The following SNTG1 variants were observed in gnomAD, a reference collection of about 807,000 sequenced individuals.
SNTG1 encodes gamma-1-syntrophin.
SNTG1 carries 39 observed loss-of-function variants against 74.7 expected under a neutral mutation model. That is an observed-to-expected ratio of 0.52 (90% CI 0.40 to 0.68). SNTG1 has a LOEUF of 0.68. Among genes scored for constraint, SNTG1 ranks in the 30% least tolerant of loss-of-function variants. SNTG1 has a pLI of 0.00. For missense variants in SNTG1, 685 were observed against 609.5 expected, an observed-to-expected ratio of 1.12 and a Z score of -1.30; for synonymous variants, 254 against 217.1, an observed-to-expected ratio of 1.17 and a Z score of -1.49.
intron 1 of SNTG1, among the ~76,000 whole-genome samples, chr8:50,054,583 G>A (rs531228514): frequency 6.6e-6 from 1 of 152,120 alleles, no homozygotes; most frequent in East Asian, 1.9e-4. Context: ...GCATTTCTCA[G>A]TGGCTTCCAT....
chr8:50,205,976 T>A (rs571314728), intron 2 of SNTG1, among the ~76,000 whole-genome samples: 266 of 152,290 alleles, frequency 1.7e-3, no homozygotes, highest in Non-Finnish European at 2.7e-3. Context: ...TGTAGACTTG[T>A]AGTATAGTTT....
Position 49,951,682 on chromosome 8 carries a change from G to A in SNTG1, c.-103+39451G>A, listed in dbSNP as rs925893923. ...TAGATGACGAGTTAGTGGGTGCAGC[G>A]CACCAGCATGGCACATGTATACATA... On this transcript the variant is annotated intron_variant, in intron 1 of 18. Coordinates refer to ENST00000642720, the MANE Select transcript of SNTG1 (RefSeq NM_018967.5). 5.3e-5 allele frequency among the ~76,000 whole-genome samples: 8 copies of A among 150,982 alleles called. No homozygotes were observed. The East Asian group carries it at 7.8e-4, about 15-fold the overall frequency.
rs145483852 is a variant in SNTG1, at chr8:50,538,959, C to T, written c.680+2151C>T. On this transcript the variant is annotated intron_variant, in intron 11 of 18. Transcript: ENST00000642720. ...TTATTTCCTGTCATTTAACTCTGCT[C>T]TTCAGCCAATTCAGCATTTTATTTT... Among the ~76,000 whole-genome samples, 798 of 152,220 alleles carry T rather than the reference C, an allele frequency of 5.2e-3. 19 individuals are homozygous for T. The highest frequency in any genetic ancestry group is 0.047 in the Admixed American group (719 of 15,280).
intron 13 of SNTG1, among the ~76,000 whole-genome samples, chr8:50,620,253 G>C (rs1362866908): frequency 6.6e-6 from 1 of 152,104 alleles, no homozygotes; most frequent in East Asian, 1.9e-4. Context: ...TTTAAAACTA[G>C]TGACGTGGGG....
chr8:49,931,426 G>A (rs1284578185), intron 1 of SNTG1, among the ~76,000 whole-genome samples: 1 of 152,156 alleles, frequency 6.6e-6, no homozygotes, highest in Non-Finnish European at 1.5e-5. Context: ...AGAAGTGGGG[G>A]CACAGGTGGA....
intron 5 of SNTG1, among the ~76,000 whole-genome samples, chr8:50,446,173 C>T (rs2093405201): frequency 6.6e-6 from 1 of 152,100 alleles, no homozygotes; most frequent in South Asian, 2.1e-4. Flanking sequence ...ACTGGAAAAC[C>T]TTACATTTCC....
intron 1 of SNTG1, among the ~76,000 whole-genome samples, chr8:49,928,318 C>T (rs1174231671): frequency 6.6e-6 from 1 of 151,628 alleles, no homozygotes; most frequent in Non-Finnish European, 1.5e-5. Context: ...GCAACCTCTG[C>T]CTCCTGGGTT....
intron 4 of SNTG1, among the ~76,000 whole-genome samples, chr8:50,403,176 A>G (rs1334487408): frequency 1.3e-5 from 2 of 152,190 alleles, no homozygotes; most frequent in Non-Finnish European, 2.9e-5. Context: ...TTCCCCAAAC[A>G]TCTGCAACTA....
At chr8:50,145,133 A>G (rs912563472) in intron 1 of SNTG1, among the ~76,000 whole-genome samples, 1 of 152,144 alleles carries the variant, frequency 6.6e-6, no homozygotes, top group African/African-American at 2.4e-5. Context: ...GCCAGGAGTG[A>G]CAGTGGCAGA....
At chr8:50,385,880 T>C (rs2092566872) in intron 2 of SNTG1, among the ~76,000 whole-genome samples, 1 of 152,196 alleles carries the variant, frequency 6.6e-6, no homozygotes, top group Non-Finnish European at 1.5e-5. Context: ...ATTGTCAGTC[T>C]CCAAAATCCA....
chr8:50,582,624 A>G (rs1190527378), intron 12 of SNTG1, among the ~76,000 whole-genome samples: 1 of 152,124 alleles, frequency 6.6e-6, no homozygotes, highest in Non-Finnish European at 1.5e-5. Context: ...TTTTTCTTTT[A>G]GCAGAAAATA....
At chr8:50,039,305 A>C (rs1348379498) in intron 1 of SNTG1, among the ~76,000 whole-genome samples, 23 of 152,002 alleles carry the variant, frequency 1.5e-4, no homozygotes, top group Admixed American at 1.5e-3. Context: ...AATGCAAAAA[A>C]GTAGCGGGGC....
chr8:50,151,615 G>T (rs1014757451), intron 1 of SNTG1, among the ~76,000 whole-genome samples: 11 of 152,098 alleles, frequency 7.2e-5, no homozygotes, highest in Admixed American at 6.5e-5. Context: ...TTTTGTCTTT[G>T]TTCTCATTGG....
chr8:50,570,667 T>A (rs1235428991), intron 12 of SNTG1, among the ~76,000 whole-genome samples: 1 of 151,208 alleles, frequency 6.6e-6, no homozygotes, highest in Non-Finnish European at 1.5e-5. Context: ...TGCTGTGGCA[T>A]GATCTCGGAT....
intron 2 of SNTG1, among the ~76,000 whole-genome samples, chr8:50,365,058 T>G (rs1311746482): frequency 6.6e-6 from 1 of 152,158 alleles, no homozygotes; most frequent in Non-Finnish European, 1.5e-5. Context: ...GCTGAGTACC[T>G]TACATATACT....
intron 1 of SNTG1, among the ~76,000 whole-genome samples, chr8:50,159,990 G>T: frequency 6.6e-6 from 1 of 152,152 alleles, no homozygotes; most frequent in South Asian, 2.1e-4. Context: ...TTACCTGGTA[G>T]ACTTAAACTG....
rs765804007 is a variant in SNTG1, at chr8:50,553,057, G to A, written c.688G>A (p.Ala230Thr). The change falls in exon 12 of 19, where the codon GCC becomes ACC. Residue 230 changes from alanine (A) to threonine (T), a missense_variant. Ala to Thr is a moderately conservative substitution (Grantham distance 58). Transcript: ENST00000642720. Reference protein sequence around the residue: ...VPGTDLSRQNAFQVIAVDGVC... With the variant: ...VPGTDLSRQNTFQVIAVDGVC... ...TGTTCTGAACATCTGCAGGCAGAAT[G>A]CCTTTCAAGTCATTGCTGTGGATGG... 5.6e-6 allele frequency: 9 copies of A among 1,613,850 alleles called. No homozygotes were observed. The African/African-American group carries it at 6.7e-5, about 12-fold the overall frequency.
At chr8:50,318,429 A>G (rs548185441) in intron 2 of SNTG1, among the ~76,000 whole-genome samples, 1 of 152,276 alleles carries the variant, frequency 6.6e-6, no homozygotes, top group Admixed American at 6.5e-5. Flanking sequence ...CTAAAGCTCC[A>G]TCTGTTGAAT....
chr8:50,633,448 C>T lies in SNTG1; in HGVS notation c.850-23461C>T, dbSNP rs529872128. ...GGAATAGTTAGAACTTTACCTGGCT[C>T]ACCAGAGAGATGAGAGAACAGGTGC... On this transcript the variant is annotated intron_variant, in intron 13 of 18. Coordinates refer to ENST00000642720, the MANE Select transcript of SNTG1 (RefSeq NM_018967.5). 7.2e-5 allele frequency among the ~76,000 whole-genome samples: 11 copies of T among 152,294 alleles called. No individual in the cohort carries two copies. The East Asian group carries it at 1.9e-3, about 27-fold the overall frequency.
Sources: gnomAD v4.1 joint callset for allele counts (sites outside exome capture counted in the v4.1 genomes callset) on GRCh38, gnomAD v4.1.1 for gene constraint, MANE v1.5 for transcripts, NCBI Gene and HGNC (gene_info 2026-07-23, HGNC 2026-07-21) for gene names.